RBFOX1: variants seen among roughly 807,000 people sequenced by gnomAD.
The protein encoded by RBFOX1 is RNA binding protein fox-1 homolog 1.
A neutral mutation model predicts 57.7 loss-of-function variants in RBFOX1; 8 were observed. That is an observed-to-expected ratio of 0.14 (90% confidence interval 0.08 to 0.25). The LOEUF (loss-of-function observed/expected upper bound fraction) is 0.25, where lower values mean the gene tolerates loss of function less well. Among genes scored for constraint, RBFOX1 ranks in the 10% least tolerant of loss-of-function variants. The pLI is 1.00. For missense variants in RBFOX1, 611 were observed against 548.5 expected (o/e 1.11, Z -1.14); for synonymous variants, 326 against 222.4 (o/e 1.47, Z -4.15).
At chr16:6,970,500 T>G (rs2085296511) in intron 3 of RBFOX1, among the ~76,000 whole-genome samples, 1 of 152,150 alleles carries the variant, frequency 6.6e-6, no homozygotes, top group African/African-American at 2.4e-5. Flanking sequence ...AGCTGGGCAT[T>G]CTAAGATCAG....
At chr16:7,701,320 C>T (rs1051884343) in intron 14 of RBFOX1, among the ~76,000 whole-genome samples, 1 of 152,244 alleles carries the variant, frequency 6.6e-6, no homozygotes, top group Non-Finnish European at 1.5e-5. Context: ...GGGGGGTGAG[C>T]AACGCTTCCT....
intron 4 of RBFOX1, among the ~76,000 whole-genome samples, chr16:7,389,142 T>C (rs2097942827): frequency 6.6e-6 from 1 of 152,140 alleles, no homozygotes; most frequent in Admixed American, 6.5e-5. Flanking sequence ...TTTTTATTTT[T>C]GGAGGCAGAG....
At chr16:7,665,992 G>T (rs1260613510) in intron 13 of RBFOX1, among the ~76,000 whole-genome samples, 1 of 152,168 alleles carries the variant, frequency 6.6e-6, no homozygotes, top group African/African-American at 2.4e-5. Context: ...ACTATAATCT[G>T]TGGGTTAGTA....
At position 7,284,013 on chromosome 16, in the gene RBFOX1, A is replaced by T. The variant is rs1003859382; in HGVS notation, c.27+231915A>T. On this transcript the variant is annotated intron_variant, in intron 4 of 15. Coordinates refer to ENST00000550418, the MANE Select transcript of RBFOX1 (RefSeq NM_018723.4). ...TCTCTACAGTGTTGGTGTCTCCAGA[A>T]TGTCCTACAAATGGAATCAGAAGTA... 2.6e-5 allele frequency among the ~76,000 whole-genome samples: 4 copies of T among 152,222 alleles called. No homozygotes were observed. The South Asian group carries it at 8.3e-4, about 32-fold the overall frequency.
At chr16:6,673,348 G>C (rs2098779653) in intron 3 of RBFOX1, among the ~76,000 whole-genome samples, 1 of 152,194 alleles carries the variant, frequency 6.6e-6, no homozygotes, top group African/African-American at 2.4e-5. Flanking sequence ...AGCACTTTGG[G>C]AGGCCTAGGT....
intron 3 of RBFOX1, among the ~76,000 whole-genome samples, chr16:6,763,128 A>C (rs1442526338): frequency 6.6e-6 from 1 of 152,166 alleles, no homozygotes; most frequent in African/African-American, 2.4e-5. Context: ...CCACCTCTAA[A>C]ATGAGTTTTT....
chr16:5,594,244 A>G (rs139409701), intron 2 of RBFOX1, among the ~76,000 whole-genome samples: 5 of 152,114 alleles, frequency 3.3e-5, no homozygotes, highest in African/African-American at 1.2e-4. Context: ...TCTTTATTCT[A>G]TGTGACTATA....
chr16:7,572,324 C>T (rs1274406363), intron 5 of RBFOX1, among the ~76,000 whole-genome samples: 1 of 152,160 alleles, frequency 6.6e-6, no homozygotes, highest in African/African-American at 2.4e-5. Context: ...TTGCAGGTCG[C>T]TCATGGTAAG....
At chr16:7,087,556 G>C (rs1338500018) in intron 4 of RBFOX1, among the ~76,000 whole-genome samples, 4 of 146,050 alleles carry the variant, frequency 2.7e-5, no homozygotes, top group African/African-American at 7.4e-5. Context: ...GGAAAAGAGA[G>C]AGAGAGAAGG....
At position 6,827,844 on chromosome 16, in the gene RBFOX1, C is replaced by A. The variant is rs868819192; in HGVS notation, c.-16+173194C>A. ...AATGCCTGCCTTGAAACCTCAGGTC[C>A]TTCTGTTCCCCCTCTTAGAGCACTG... On this transcript the variant is annotated intron_variant, in intron 3 of 15. Transcript: ENST00000550418. 3.3e-5 allele frequency among the ~76,000 whole-genome samples: 5 copies of A among 152,342 alleles called. No homozygotes were observed. In the South Asian group the frequency reaches 8.3e-4, roughly 25 times the overall value.
At position 5,454,558 on chromosome 16, in the gene RBFOX1, T is replaced by G. The variant is rs117288010; in HGVS notation, c.220-12658T>G. On this transcript the variant is annotated intron_variant, in intron 1 of 2. Coordinates refer to the RBFOX1 transcript ENST00000585867. ...GTATCCAATCAGTTGAAGGCCTGAATAGAAGAAAAGATTGACCTCCTTTGA... is the reference window on the plus strand; with the variant it reads ...GTATCCAATCAGTTGAAGGCCTGAAGAGAAGAAAAGATTGACCTCCTTTGA... 3.9e-5 allele frequency among the ~76,000 whole-genome samples: 6 copies of G among 152,212 alleles called. No individual in the cohort carries two copies. The East Asian group carries it at 1.2e-3, about 29-fold the overall frequency.
chr16:5,564,837 A>G (rs1286493543), intron 2 of RBFOX1, among the ~76,000 whole-genome samples: 1 of 152,196 alleles, frequency 6.6e-6, no homozygotes, highest in Non-Finnish European at 1.5e-5. Context: ...GGTGGATGCC[A>G]TCATCGTGGC....
At chr16:7,024,003 A>T (rs13337583) in intron 3 of RBFOX1, among the ~76,000 whole-genome samples, 2 of 152,132 alleles carry the variant, frequency 1.3e-5, no homozygotes, top group Non-Finnish European at 2.9e-5. Flanking sequence ...TTAGGTTTCT[A>T]TATCCTCCTG....
intron 2 of RBFOX1, among the ~76,000 whole-genome samples, chr16:6,634,693 A>T (rs1359725697): frequency 6.9e-6 from 1 of 144,660 alleles, no homozygotes; most frequent in Non-Finnish European, 1.5e-5. Context: ...TATATAATAC[A>T]AAGATACATA....
At chr16:7,139,859 G>A (rs536518382) in intron 4 of RBFOX1, among the ~76,000 whole-genome samples, 87 of 152,150 alleles carry the variant, frequency 5.7e-4, no homozygotes, top group African/African-American at 2.0e-3. Flanking sequence ...GAATTGAGGA[G>A]GAAGCTAAGA....
At chr16:6,429,962 G>T (rs906875989) in intron 2 of RBFOX1, among the ~76,000 whole-genome samples, 1 of 151,986 alleles carries the variant, frequency 6.6e-6, no homozygotes, top group Non-Finnish European at 1.5e-5. Flanking sequence ...TACAAAATTA[G>T]CCAGGTATGG....
intron 3 of RBFOX1, among the ~76,000 whole-genome samples, chr16:6,984,755 C>T (rs1458015504): frequency 4.6e-5 from 7 of 152,124 alleles, no homozygotes; most frequent in Non-Finnish European, 1.0e-4. Flanking sequence ...ATTCTCCTGC[C>T]TCAGCCTCCT....
intron 4 of RBFOX1, among the ~76,000 whole-genome samples, chr16:7,454,516 C>A (rs1567249632): frequency 6.6e-6 from 1 of 152,128 alleles, no homozygotes; most frequent in South Asian, 2.1e-4. Flanking sequence ...TTTATAAGGT[C>A]CAGAATTCCC....
chr16:5,800,477 G>A (rs1370924766), intron 3 of RBFOX1, among the ~76,000 whole-genome samples: 1 of 152,160 alleles, frequency 6.6e-6, no homozygotes, highest in Non-Finnish European at 1.5e-5. Context: ...TTAGGCCAGG[G>A]TGTGAGTAGA....
Sources: gnomAD v4.1 joint callset for allele counts (sites outside exome capture counted in the v4.1 genomes callset) on GRCh38, gnomAD v4.1.1 for gene constraint, MANE v1.5 for transcripts, NCBI Gene and HGNC (gene_info 2026-07-23, HGNC 2026-07-21) for gene names.